Variants in COL12A1 observed in about 807,000 individuals in gnomAD.
COL12A1 encodes collagen type XII alpha 1 chain.
In COL12A1, 114 loss-of-function variants were observed where a neutral mutation model predicts 349.7. That is an observed-to-expected ratio of 0.33 (90% CI 0.28 to 0.38). The LOEUF is 0.38. COL12A1 is among the 10% of genes least tolerant of loss of function. The probability of loss-of-function intolerance (pLI) is 1.00; values close to 1 mark genes in which losing one functional copy is unlikely to be tolerated. For synonymous variants in COL12A1, 1,369 were observed against 1,329.0 expected (o/e 1.03, Z -0.66); for missense variants, 3,284 against 3,756.9 (o/e 0.87, Z 3.29).
At chr6:75,196,095 TATA>T (rs958740663) in intron 2 of COL12A1, among the ~76,000 whole-genome samples, 1 of 152,216 alleles carries the variant, frequency 6.6e-6, no homozygotes, top group Admixed American at 6.5e-5. Flanking sequence ...CTAAATATTT[TATA>T]ATGATATTCT....
At chr6:75,123,304 C>CAAT (rs972669551) in intron 43 of COL12A1, 26 bp downstream of exon 43, 1 of 1,585,374 alleles carries the variant, frequency 6.3e-7, no homozygotes. Context: ...ATCAGCTGAA[C>CAAT]GTATTGCCTA....
chr6:75,149,601 T>C (rs1356256682), intron 21 of COL12A1, among the ~76,000 whole-genome samples: 1 of 151,982 alleles, frequency 6.6e-6, no homozygotes, highest in Non-Finnish European at 1.5e-5. Context: ...AACAGGAAAA[T>C]GGCCCAAATA....
intron 54 of COL12A1, among the ~76,000 whole-genome samples, chr6:75,104,935 A>C (rs1768474892): frequency 6.6e-6 from 1 of 152,216 alleles, no homozygotes; most frequent in Admixed American, 6.5e-5. Context: ...ATCCAGGTTC[A>C]TATCTTTAAG....
At chr6:75,143,181 T>C (rs1000077313) in intron 26 of COL12A1, 71 bp downstream of exon 26, 2 of 1,557,884 alleles carry the variant, frequency 1.3e-6, no homozygotes, top group African/African-American at 2.7e-5. Flanking sequence ...TCATCCATAC[T>C]TGATAAAGTT....
intron 2 of COL12A1, among the ~76,000 whole-genome samples, chr6:75,197,501 G>A (rs1184617627): frequency 6.6e-6 from 1 of 151,794 alleles, no homozygotes; most frequent in Non-Finnish European, 1.5e-5. Context: ...TAGTAGAGAC[G>A]GGGTTTCTCC....
chr6:75,109,059 T>C lies in COL12A1; in HGVS notation c.8059A>G (p.Ile2687Val). The change falls in exon 52 of 66, where the codon ATT (isoleucine) becomes GTT (valine). Residue 2687 changes from isoleucine to valine, a missense_variant. Physicochemically the swap from Ile to Val is conservative, Grantham distance 29. Transcript: ENST00000322507. ...TCCCCTTTAAGGAGTTTTCCAAGAA[T>C]TTCATAACCATCAGTTGTTATATTT... is the stretch of plus-strand genomic sequence containing the variant. ...AGNITTDGYE[I>V]LGKLLKGERK... 1 of 1,612,242 alleles carries C rather than the reference T, an allele frequency of 6.2e-7. No individual in the cohort carries two copies. The highest frequency in any genetic ancestry group is 1.3e-5 in the African/African-American group (1 of 74,926).
intron 13 of COL12A1, among the ~76,000 whole-genome samples, chr6:75,167,863 T>G (rs1768390771): frequency 6.6e-6 from 1 of 152,170 alleles, no homozygotes; most frequent in Non-Finnish European, 1.5e-5. Context: ...TTTATCGATA[T>G]CCTGAAAATA....
chr6:75,089,184 G>A lies in COL12A1; in HGVS notation c.8942-10C>T, dbSNP rs1171646535. 1.9e-6 allele frequency: 3 copies of A among 1,590,644 alleles called. No individual in the cohort carries two copies. Among genetic ancestry groups the A allele is most frequent in the Admixed American group, 3.7e-5 (2 of 53,374 alleles). On this transcript the variant is annotated splice_polypyrimidine_tract_variant and intron_variant, in intron 63 of 65. Transcript: ENST00000322507. The stretch of plus-strand genomic sequence containing the variant: ...TTCTCTCCTGGCAAACCTAAGGAGG[G>A]AGAAAAAGAGAAAGCACAGGGGAAA...
At chr6:75,196,028 G>A (rs1052202673) in intron 2 of COL12A1, among the ~76,000 whole-genome samples, 5 of 152,156 alleles carry the variant, frequency 3.3e-5, no homozygotes, top group Admixed American at 2.0e-4. Context: ...CTTGTTTTTA[G>A]TTTCCCACAA....
chr6:75,198,611 G>GT (rs1562327597), intron 2 of COL12A1, among the ~76,000 whole-genome samples: 2 of 152,012 alleles, frequency 1.3e-5, no homozygotes, highest in African/African-American at 4.8e-5. Flanking sequence ...TAAAACTAAA[G>GT]TGTCCATCTT....
chr6:75,106,279 G>T, intron 53 of COL12A1, 140 bp downstream of exon 53: 2 of 681,322 alleles, frequency 2.9e-6, no homozygotes, highest in Non-Finnish European at 5.0e-6. Context: ...TGTAGTAGCT[G>T]GTGAGCACCC....
Position 75,109,138 on chromosome 6 carries a change from A to G in COL12A1, c.7980T>C (p.Val2660=). The part of the protein sequence containing the change: ...KVHIVVTSKS[V]KIYIDCYEII... ...TTTCATAGCAGTCAATGTAAATCTT[A>G]ACACTTTTTGAGGTCACTACAATAT... Residue 2660 remains valine (V), a synonymous_variant, in exon 52 of 66, where the codon GTT becomes GTC. Transcript: ENST00000322507. 1 of 1,601,126 alleles carries G rather than the reference A, an allele frequency of 6.2e-7. No individual in the cohort carries two copies.
At chr6:75,123,809 T>A (rs1765865675) in intron 42 of COL12A1, 139 bp downstream of exon 42, 2 of 934,192 alleles carry the variant, frequency 2.1e-6, no homozygotes, top group African/African-American at 3.3e-5. Flanking sequence ...AGACTCCACA[T>A]TCAGGAATCT....
In COL12A1 at chr6:75,126,479, A is replaced by G; in HGVS notation, c.6341-9T>C. 1 of 1,608,342 alleles carries G rather than the reference A, an allele frequency of 6.2e-7. No individual in the cohort carries two copies. The highest frequency in any genetic ancestry group is 1.1e-5 in the South Asian group (1 of 90,776). ...AGGAGGAAGGAGTCCCACTGAAAAC[A>G]AACATTGACACACATTACTGACCTT... On this transcript the variant is annotated splice_polypyrimidine_tract_variant and intron_variant, in intron 38 of 65. Coordinates refer to ENST00000322507, the MANE Select transcript of COL12A1 (RefSeq NM_004370.6).
rs1476171881 is a variant in COL12A1 at position 75,121,485 on chromosome 6, C to A, written c.6947-44G>T. 1.8e-5 allele frequency: 26 copies of A among 1,472,494 alleles called. No homozygotes were observed. The East Asian group carries it at 4.7e-4, about 27-fold the overall frequency. The allele number at this position is 1,472,494 out of a possible 1,614,324, so 91.2% of individuals were successfully genotyped here. On this transcript the variant is annotated intron_variant, in intron 43 of 65. Coordinates refer to ENST00000322507, the MANE Select transcript of COL12A1 (RefSeq NM_004370.6). Reference sequence around the variant, plus strand: ...GAGGAAGCCCCAAATCTCATGAATTCTTTCATTTAAATGAAATCACATAAT... The same window carrying A: ...GAGGAAGCCCCAAATCTCATGAATTATTTCATTTAAATGAAATCACATAAT...
intron 3 of COL12A1, among the ~76,000 whole-genome samples, chr6:75,193,167 C>T (rs1770033197): frequency 6.6e-6 from 1 of 152,092 alleles, no homozygotes; most frequent in Non-Finnish European, 1.5e-5. Flanking sequence ...CCCCAGAGGA[C>T]ATCAAGACAC....
intron 25 of COL12A1, 108 bp from the exon 26 acceptor site, chr6:75,143,496 G>C (rs1400515120): frequency 8.1e-7 from 1 of 1,241,766 alleles, no homozygotes; most frequent in Non-Finnish European, 1.1e-6. Flanking sequence ...AAAGGTGTTT[G>C]GCAAAATAAC....
chr6:75,135,625 A>ATGGAGG (rs1238076777), intron 31 of COL12A1, among the ~76,000 whole-genome samples: 5 of 152,220 alleles, frequency 3.3e-5, no homozygotes, highest in Admixed American at 1.3e-4. Context: ...CACTGCCCAA[A>ATGGAGG]ATGAGTGCAC....
chr6:75,124,692 G>A (rs557030014), intron 40 of COL12A1, among the ~76,000 whole-genome samples: 38 of 152,178 alleles, frequency 2.5e-4, no homozygotes, highest in African/African-American at 8.9e-4. Flanking sequence ...AGTTATCAAA[G>A]CAATGGTGAC....
Sources: gnomAD v4.1 joint callset for allele counts (sites outside exome capture counted in the v4.1 genomes callset) on GRCh38, gnomAD v4.1.1 for gene constraint, MANE v1.5 for transcripts, NCBI Gene and HGNC (gene_info 2026-07-23, HGNC 2026-07-21) for gene names.